TMEM255A: variants seen among roughly 807,000 people sequenced by gnomAD.
TMEM255A encodes transmembrane protein 255A, also known as family with sequence similarity 70, member A.
In TMEM255A, 14 loss-of-function variants were observed where a neutral mutation model predicts 23.5. The ratio of observed to expected loss-of-function variants is 0.60; its 90% confidence interval spans 0.39 to 0.93. The LOEUF is 0.93. TMEM255A is among the 40% of genes least tolerant of loss of function. The pLI, the probability that TMEM255A is intolerant of heterozygous loss-of-function variation, is 0.00. For synonymous variants in TMEM255A, 104 were observed against 100.3 expected (o/e 1.04, Z -0.22); for missense variants, 233 against 261.7 (o/e 0.89, Z 0.76).
Position 120,268,250 on chromosome X carries a change from G to A in TMEM255A, c.813C>T (p.Asp271=), listed in dbSNP as rs782132692. 1.2e-5 allele frequency: 14 copies of A among 1,207,687 alleles called. No homozygotes were observed. The South Asian group carries it at 2.3e-4, about 20-fold the overall frequency. Residue 271 remains aspartate (D), a synonymous_variant, in exon 8 of 9, where the codon GAC becomes GAT. Transcript: ENST00000371369. ...PPHLPPYSAY[D]FQHSGVFPSS... Reference sequence around the variant, plus strand: ...TTTTTCTCCCAAAACATACCTGAAAGTCATAAGCAGAATATGGTGGCAGGT... The same window carrying A: ...TTTTTCTCCCAAAACATACCTGAAAATCATAAGCAGAATATGGTGGCAGGT...
At chrX:120,281,289 T>G (rs1556020874) in intron 6 of TMEM255A, among the ~76,000 whole-genome samples, 2 of 112,192 alleles carry the variant, frequency 1.8e-5, no homozygotes, top group African/African-American at 6.5e-5. Context: ...TGAGATTGAT[T>G]ACCCAATGTG....
intron 7 of TMEM255A, among the ~76,000 whole-genome samples, chrX:120,270,295 T>TTGTG (rs372856986): frequency 9.3e-6 from 1 of 107,350 alleles, no homozygotes; most frequent in Admixed American, 9.9e-5. Flanking sequence ...GAGTGTGTGT[T>TTGTG]TGTGTGTGTG....
At chrX:120,296,641 TTATAA>T (rs1192614459) in intron 2 of TMEM255A, among the ~76,000 whole-genome samples, 2 of 66,817 alleles carry the variant, frequency 3.0e-5, no homozygotes, top group East Asian at 4.1e-4. Context: ...ATATATTATA[TTATAA>T]TATAATATAT....
chrX:120,304,491 C>T lies in TMEM255A; in HGVS notation c.59G>A (p.Gly20Glu). ...GTTTCGTTTCCTCCGATTGAATGCTCCTGAAAGCACAGAGAGAAATTAAAA... is the reference window on the plus strand; with the variant it reads ...GTTTCGTTTCCTCCGATTGAATGCTTCTGAAAGCACAGAGAGAAATTAAAA... Reference protein sequence around the residue: ...SSDMSLPDSMGAFNRRKRNSI... With the variant: ...SSDMSLPDSMEAFNRRKRNSI... The change falls in exon 2 of 9, where the codon GGA (glycine) becomes GAA (glutamate). Residue 20 changes from glycine (G) to glutamate (E), a missense_variant and splice_region_variant. Coordinates refer to ENST00000371369, the MANE Select transcript of TMEM255A (RefSeq NM_001104544.3). 1.7e-6 allele frequency: 2 copies of T among 1,206,710 alleles called. No individual in the cohort carries two copies. Among genetic ancestry groups the T allele is most frequent in the South Asian group, 3.6e-5 (2 of 56,005 alleles).
At chrX:120,282,363 C>G (rs2057843169) in intron 6 of TMEM255A, among the ~76,000 whole-genome samples, 1 of 111,625 alleles carries the variant, frequency 9.0e-6, no homozygotes, top group Non-Finnish European at 1.9e-5. Flanking sequence ...TGGGAAAGGG[C>G]TTTGAGAGAT....
intron 7 of TMEM255A, among the ~76,000 whole-genome samples, chrX:120,268,908 G>C (rs2057735349): frequency 8.9e-6 from 1 of 111,764 alleles, no homozygotes; most frequent in South Asian, 3.7e-4. Context: ...ACATCAAATA[G>C]AGAAGGCCGA....
intron 1 of TMEM255A, among the ~76,000 whole-genome samples, chrX:120,308,166 A>G (rs1051007859): frequency 1.8e-5 from 2 of 112,046 alleles, no homozygotes; most frequent in African/African-American, 6.5e-5. Context: ...CTCAATAAGT[A>G]TATTAATTGT....
In TMEM255A at chrX:120,269,863, C is replaced by G. The variant is rs1166712405; in HGVS notation, c.676-1476G>C. ...TGGCATACTGTCAATTAAAAACACA[C>G]CCTCCAGCTCTCGCAAAATGAAACC... On this transcript the variant is annotated intron_variant, in intron 7 of 8. Transcript: ENST00000371369. Among the ~76,000 whole-genome samples, 3 of 111,977 alleles carry G rather than the reference C, an allele frequency of 2.7e-5. No individual in the cohort carries two copies. In the Admixed American group the frequency reaches 2.8e-4, roughly 11 times the overall value.
At chrX:120,297,025 TATATATA>T (rs1319579592) in intron 2 of TMEM255A, among the ~76,000 whole-genome samples, 166 of 4,189 alleles carry the variant, frequency 0.04, 8 homozygotes, top group Non-Finnish European at 0.051. Context: ...ATATATTATA[TATATATA>T]ATATATAATA....
chrX:120,260,637 C>A lies in TMEM255A; in HGVS notation c.*233G>T. On this transcript the variant is annotated 3_prime_UTR_variant, in exon 9 of 9. Transcript: ENST00000371369. Reference sequence around the variant, plus strand: ...CCAAACAAGCTTCTTGCTGGGCTGGCTCCCCAGTCTTGCTTAGAGAATGTG... The same window carrying A: ...CCAAACAAGCTTCTTGCTGGGCTGGATCCCCAGTCTTGCTTAGAGAATGTG... 2.8e-6 allele frequency: 1 copy of A among 355,078 alleles called. No homozygotes were observed. The allele number at this position is 355,078 out of a possible 1,213,427, so 29.3% of individuals were successfully genotyped here.
intron 8 of TMEM255A, among the ~76,000 whole-genome samples, chrX:120,263,514 A>G (rs1006457045): frequency 9.0e-6 from 1 of 111,547 alleles, no homozygotes; most frequent in African/African-American, 3.3e-5. Context: ...CACACCCTTC[A>G]AGATCAATGC....
chrX:120,271,304 T>C (rs1488773077), intron 7 of TMEM255A, among the ~76,000 whole-genome samples: 1 of 112,093 alleles, frequency 8.9e-6, no homozygotes, highest in African/African-American at 3.2e-5. Flanking sequence ...CTCTGGCATT[T>C]GGCAAATCTG....
In TMEM255A at chrX:120,304,364, A is replaced by G. The variant is rs782552678; in HGVS notation, c.186T>C (p.Tyr62=). The change falls in exon 2 of 9, where the codon TAT becomes TAC. Residue 62 remains tyrosine (Y), a synonymous_variant. Transcript: ENST00000371369. Reference sequence around the variant, plus strand: ...CTATACTTACAATAACTCCGGGGTAATAACCTCCTACAGTCACATTCTGGG... The same window carrying G: ...CTATACTTACAATAACTCCGGGGTAGTAACCTCCTACAGTCACATTCTGGG... The part of the protein sequence containing the change: ...TRTQNVTVGG[Y]YPGVILGFGS... 2 of 1,210,587 alleles carry G rather than the reference A, an allele frequency of 1.7e-6. No homozygotes were observed. Among genetic ancestry groups the G allele is most frequent in the Non-Finnish European group, 2.2e-6 (2 of 894,938 alleles).
Position 120,291,273 on chromosome X carries a change from C to T in TMEM255A, c.332G>A (p.Gly111Glu). ...IAAFCCAIVD[G>E]VFAARHIDLK... The stretch of plus-strand genomic sequence containing the variant: ...CACAATGTGTCTGGCAGCAAAGACC[C>T]CGTCAACTATGGCACAACAAAAAGC... The change falls in exon 4 of 9, where the codon GGG becomes GAG. Residue 111 changes from glycine (G) to glutamate (E), a missense_variant. By Grantham distance (98) the Gly-to-Glu change is moderately conservative. Transcript: ENST00000371369. 6 of 1,209,295 alleles carry T rather than the reference C, an allele frequency of 5.0e-6. No homozygotes were observed. Among genetic ancestry groups the T allele is most frequent in the Non-Finnish European group, 6.7e-6 (6 of 894,055 alleles).
chrX:120,293,533 C>T (rs1285964025), intron 3 of TMEM255A, among the ~76,000 whole-genome samples: 1 of 112,671 alleles, frequency 8.9e-6, no homozygotes, highest in Non-Finnish European at 1.9e-5. Flanking sequence ...TCAAAGTCTG[C>T]TATATTGTAA....
chrX:120,253,381 C>T, the TMEM255A span: 6 of 1,138,529 alleles, frequency 5.3e-6, no homozygotes, highest in Non-Finnish European at 7.1e-6. Context: ...TCTCTCTAAT[C>T]CTCTCCCATC....
chrX:120,302,580 G>A (rs2058040202), intron 2 of TMEM255A, among the ~76,000 whole-genome samples: 1 of 100,100 alleles, frequency 1.0e-5, no homozygotes, highest in Non-Finnish European at 2.0e-5. Context: ...CCTCACCACA[G>A]GAAGTGCACT....
intron 3 of TMEM255A, among the ~76,000 whole-genome samples, chrX:120,293,451 A>G (rs2057931083): frequency 8.9e-6 from 1 of 112,584 alleles, no homozygotes; most frequent in Admixed American, 9.3e-5. Flanking sequence ...GGTAATGGAG[A>G]TACTTTAGGA....
intron 7 of TMEM255A, among the ~76,000 whole-genome samples, chrX:120,269,187 T>C (rs1273497177): frequency 9.1e-6 from 1 of 110,245 alleles, no homozygotes; most frequent in Non-Finnish European, 1.9e-5. Flanking sequence ...TTTCACAACA[T>C]GGTGGTGTGT....
Sources: allele counts gnomAD v4.1 joint callset (sites outside exome capture counted in the v4.1 genomes callset), GRCh38; gene constraint gnomAD v4.1.1; transcripts MANE v1.5; gene names NCBI Gene and HGNC (gene_info 2026-07-23, HGNC 2026-07-21).